Variants in MDGA2 observed in about 807,000 individuals in gnomAD.
MDGA2 encodes MAM domain-containing glycosylphosphatidylinositol anchor protein 2.
In MDGA2, 40 loss-of-function variants were observed where a neutral mutation model predicts 117.8. The observed-to-expected ratio is 0.34, with a 90% CI of 0.26 to 0.44. MDGA2 has a LOEUF of 0.44. Ranked by LOEUF, MDGA2 falls within the 20% of genes least tolerant of loss-of-function variation. The probability of loss-of-function intolerance (pLI) is 1.00; values close to 1 mark genes in which losing one functional copy is unlikely to be tolerated. For missense variants in MDGA2, 1,123 were observed against 1,250.6 expected (o/e 0.90, Z 1.54); for synonymous variants, 452 against 439.0 (o/e 1.03, Z -0.37).
intron 8 of MDGA2, among the ~76,000 whole-genome samples, chr14:46,987,978 T>C (rs911610644): frequency 4.0e-5 from 6 of 151,722 alleles, no homozygotes; most frequent in African/African-American, 1.5e-4. Context: ...TAGAAGTATG[T>C]TACTATTATG....
At chr14:47,375,774 G>C (rs1284849641) in intron 1 of MDGA2, among the ~76,000 whole-genome samples, 2 of 151,910 alleles carry the variant, frequency 1.3e-5, no homozygotes, top group East Asian at 3.9e-4. Flanking sequence ...TAACTATTTT[G>C]TGTTTCTATG....
intron 2 of MDGA2, among the ~76,000 whole-genome samples, chr14:47,269,560 G>T (rs1194018981): frequency 1.3e-5 from 2 of 151,894 alleles, no homozygotes; most frequent in East Asian, 3.9e-4. Flanking sequence ...AAATAACCAG[G>T]TTCTGAAAAA....
intron 5 of MDGA2, among the ~76,000 whole-genome samples, chr14:47,099,891 A>C (rs1036018394): frequency 3.3e-5 from 5 of 152,174 alleles, no homozygotes; most frequent in Non-Finnish European, 7.4e-5. Flanking sequence ...GTTTTCTTTT[A>C]TCATTTATTT....
chr14:47,106,551 G>A (rs1482529632), intron 5 of MDGA2, among the ~76,000 whole-genome samples: 7 of 151,798 alleles, frequency 4.6e-5, no homozygotes, highest in Admixed American at 4.6e-4. Context: ...ACTGAAAATC[G>A]GACTGTTCAA....
chr14:47,047,788 TCAAA>T lies in MDGA2; in HGVS notation c.1526-12488_1526-12485del, dbSNP rs796416374. On this transcript the variant is annotated intron_variant, in intron 7 of 16. Coordinates refer to ENST00000399232, the MANE Select transcript of MDGA2 (RefSeq NM_001113498.3). ...GTACTGAGGATAGGTACTTACACGG[TCAAA>T]CAAAGGTTTATATAATTCAAATATA... is the stretch of plus-strand genomic sequence containing the variant. Among the ~76,000 whole-genome samples the T allele has an allele frequency of 1.4e-3, 212 of 152,004 alleles. 2 individuals carry two copies. Among genetic ancestry groups the T allele is most frequent in the African/African-American group, 4.8e-3 (198 of 41,534 alleles).
At position 46,877,475 on chromosome 14, in the gene MDGA2, T is replaced by A. The variant is rs1178770687; in HGVS notation, c.2437+14A>T. 1 of 1,417,406 alleles carries A rather than the reference T, an allele frequency of 7.1e-7. No homozygotes were observed. The highest frequency in any genetic ancestry group is 1.4e-5 in the African/African-American group (1 of 69,898). 87.8% of individuals were successfully genotyped at this position (1,417,406 alleles called of 1,614,324 possible). A position where few individuals can be genotyped will look rare whatever the true frequency, so the allele number is the denominator to read the frequency against. ...TTAAATATAGTGCCATTTTGTAAGT[T>A]AAAATATACTTACTCAAATGAGGAT... On this transcript the variant is annotated intron_variant, in intron 12 of 16. Transcript: ENST00000399232.
chr14:47,661,421 C>T (rs1897843356), intron 1 of MDGA2, among the ~76,000 whole-genome samples: 1 of 152,086 alleles, frequency 6.6e-6, no homozygotes, highest in African/African-American at 2.4e-5. Flanking sequence ...TATATCTCAT[C>T]TTTAATTATT....
intron 1 of MDGA2, among the ~76,000 whole-genome samples, chr14:47,389,903 C>T (rs1276080125): frequency 6.6e-6 from 1 of 152,126 alleles, no homozygotes; most frequent in African/African-American, 2.4e-5. Context: ...AAGAGAGAAG[C>T]CATTTAACTA....
intron 1 of MDGA2, among the ~76,000 whole-genome samples, chr14:47,636,231 A>G (rs1001141073): frequency 6.6e-6 from 1 of 152,326 alleles, no homozygotes; most frequent in East Asian, 1.9e-4. Flanking sequence ...TTCATAAGGT[A>G]TAACTTGAAT....
chr14:47,058,794 A>G, intron 7 of MDGA2: 1 of 985,488 alleles, frequency 1.0e-6, no homozygotes, highest in Non-Finnish European at 1.2e-6. Context: ...TAGGTTAGGC[A>G]TCATCTTCTG....
chr14:47,086,564 C>T (rs879639238), intron 6 of MDGA2, among the ~76,000 whole-genome samples: 1 of 151,710 alleles, frequency 6.6e-6, no homozygotes, highest in Non-Finnish European at 1.5e-5. Flanking sequence ...GTACCCATTA[C>T]TTATTTTTTG....
chr14:47,235,508 T>C (rs990278593), intron 2 of MDGA2, among the ~76,000 whole-genome samples: 7 of 152,186 alleles, frequency 4.6e-5, no homozygotes, highest in Admixed American at 1.3e-4. Context: ...CGTAGATTAA[T>C]AACAGTTATC....
chr14:47,198,265 T>A (rs1323070980), intron 3 of MDGA2, among the ~76,000 whole-genome samples: 1 of 152,120 alleles, frequency 6.6e-6, no homozygotes, highest in Non-Finnish European at 1.5e-5. Context: ...TGATATCTAC[T>A]TTAACTTGTT....
At chr14:47,641,536 C>T (rs898473304) in intron 1 of MDGA2, among the ~76,000 whole-genome samples, 1 of 151,808 alleles carries the variant, frequency 6.6e-6, no homozygotes, top group South Asian at 2.1e-4. Context: ...GAGAGGATAC[C>T]AAAAAGAAAC....
chr14:47,231,733 A>C (rs1057052310), intron 2 of MDGA2, among the ~76,000 whole-genome samples: 1 of 148,462 alleles, frequency 6.7e-6, no homozygotes, highest in Non-Finnish European at 1.5e-5. Context: ...AAAAGAAAAA[A>C]AAATTGAACC....
intron 8 of MDGA2, among the ~76,000 whole-genome samples, chr14:46,964,592 G>GGAGC (rs1325510847): frequency 6.6e-6 from 1 of 152,150 alleles, no homozygotes; most frequent in Non-Finnish European, 1.5e-5. Context: ...AAGGTATCCG[G>GGAGC]GAGCCAGAAC....
At chr14:47,294,285 C>T (rs1888988907) in intron 2 of MDGA2, among the ~76,000 whole-genome samples, 1 of 151,756 alleles carries the variant, frequency 6.6e-6, no homozygotes, top group Admixed American at 6.6e-5. Context: ...TTTGTAAAAA[C>T]AAGGTTTCGT....
intron 2 of MDGA2, among the ~76,000 whole-genome samples, chr14:47,226,236 A>G (rs1313373967): frequency 6.8e-6 from 1 of 146,502 alleles, no homozygotes; most frequent in East Asian, 1.9e-4. Flanking sequence ...TAAATAAATA[A>G]ATAAATAAAT....
intron 2 of MDGA2, among the ~76,000 whole-genome samples, chr14:47,242,701 C>T (rs1016715578): frequency 6.6e-6 from 1 of 151,846 alleles, no homozygotes; most frequent in Non-Finnish European, 1.5e-5. Flanking sequence ...TCGGGACCTG[C>T]AGCCCGCCAT....
Sources: allele counts gnomAD v4.1 joint callset (sites outside exome capture counted in the v4.1 genomes callset), GRCh38; gene constraint gnomAD v4.1.1; transcripts MANE v1.5; gene names NCBI Gene and HGNC (gene_info 2026-07-23, HGNC 2026-07-21).